Variants in GRK3 observed in about 807,000 individuals in gnomAD.
The protein encoded by GRK3 is adrenergic, beta, receptor kinase 2.
In GRK3, 54 loss-of-function variants were observed where a neutral mutation model predicts 95.7. The observed-to-expected ratio is 0.56, with a 90% confidence interval of 0.45 to 0.71. The LOEUF (loss-of-function observed/expected upper bound fraction) is 0.71. Ranked by LOEUF, GRK3 falls within the 30% of genes least tolerant of loss-of-function variation. The pLI is 0.00. For synonymous variants in GRK3, 281 were observed against 290.8 expected (o/e 0.97, Z 0.34); for missense variants, 649 against 851.2 (o/e 0.76, Z 2.96).
chr22:25,667,178 A>C (rs544256629), intron 5 of GRK3, among the ~76,000 whole-genome samples: 132 of 152,300 alleles, frequency 8.7e-4, no homozygotes, highest in African/African-American at 3.1e-3. Flanking sequence ...GGTTTTCTCT[A>C]TGACTCTAAG....
intron 7 of GRK3, 100 bp downstream of exon 7, chr22:25,672,447 T>G: frequency 1.5e-6 from 1 of 676,868 alleles, no homozygotes; most frequent in Non-Finnish European, 2.6e-6. Flanking sequence ...TCCCAGAGGG[T>G]CCACTGCCCA....
At chr22:25,643,705 G>T (rs1009301838) in intron 2 of GRK3, among the ~76,000 whole-genome samples, 5 of 152,222 alleles carry the variant, frequency 3.3e-5, no homozygotes, top group African/African-American at 9.7e-5. Flanking sequence ...TAGGCATTAA[G>T]CTAGGCACTA....
chr22:25,657,993 A>G (rs1431821132), intron 3 of GRK3, among the ~76,000 whole-genome samples: 1 of 151,062 alleles, frequency 6.6e-6, no homozygotes, highest in East Asian at 1.9e-4. Context: ...TTTTTCAGAT[A>G]CTCTATTTTT....
rs1158888637 is a variant in GRK3 at position 25,667,784 on chromosome 22, C to A, written c.487C>A (p.Gln163Lys). The A allele has an allele frequency of 1.2e-6, 2 of 1,609,246 alleles. No individual in the cohort carries two copies. The highest frequency in any genetic ancestry group is 1.7e-6 in the Non-Finnish European group (2 of 1,176,160). ...TGAAAGCCTTCGAGGTGACATTTTT[C>A]AAAAATTTATGGAAAGGTATGAAAC... ...ICESLRGDIF[Q>K]KFMESDKFTR... Residue 163 changes from glutamine (Q) to lysine (K), a missense_variant, in exon 6 of 21, where the codon CAA becomes AAA. Around this residue, in one of 3 missense-constraint regions of GRK3, gnomAD observed 206 missense variants for 231.4 expected, o/e 0.89. Transcript: ENST00000324198.
chr22:25,583,272 TA>T (rs1932168066), intron 1 of GRK3, among the ~76,000 whole-genome samples: 1 of 152,070 alleles, frequency 6.6e-6, no homozygotes, highest in Non-Finnish European at 1.5e-5. Context: ...TCATAGGTGG[TA>T]ATTTAGGAAT....
intron 1 of GRK3, among the ~76,000 whole-genome samples, chr22:25,589,811 T>C (rs538097675): frequency 5.3e-5 from 8 of 152,294 alleles, no homozygotes; most frequent in Non-Finnish European, 7.4e-5. Flanking sequence ...CAGTTCCACA[T>C]GGCTGGGGAG....
At chr22:25,694,149 G>A (rs1176295214) in intron 12 of GRK3, among the ~76,000 whole-genome samples, 1 of 152,176 alleles carries the variant, frequency 6.6e-6, no homozygotes, top group African/African-American at 2.4e-5. Flanking sequence ...GAATCCAGTG[G>A]CTGCTGTATG....
At chr22:25,583,985 T>A (rs1403655754) in intron 1 of GRK3, among the ~76,000 whole-genome samples, 1 of 152,240 alleles carries the variant, frequency 6.6e-6, no homozygotes, top group Non-Finnish European at 1.5e-5. Context: ...CGGCAGCTTA[T>A]GTGAGAAAAA....
chr22:25,669,212 A>G (rs1453603311), intron 6 of GRK3, among the ~76,000 whole-genome samples: 1 of 151,984 alleles, frequency 6.6e-6, no homozygotes, highest in Non-Finnish European at 1.5e-5. Context: ...GGAAAAGGTG[A>G]TTTTTCCATG....
chr22:25,602,998 C>T (rs904105661), intron 1 of GRK3, among the ~76,000 whole-genome samples: 1 of 152,210 alleles, frequency 6.6e-6, no homozygotes, highest in African/African-American at 2.4e-5. Flanking sequence ...GTCACTGCAA[C>T]ATCTGCCTCC....
intron 10 of GRK3, 64 bp downstream of exon 10, chr22:25,685,312 T>C: frequency 1.6e-6 from 2 of 1,253,810 alleles, no homozygotes; most frequent in Non-Finnish European, 1.2e-6. Flanking sequence ...AATCTTAGCA[T>C]GCATTAATCT....
At chr22:25,612,979 T>G (rs974717277) in intron 2 of GRK3, among the ~76,000 whole-genome samples, 1 of 152,134 alleles carries the variant, frequency 6.6e-6, no homozygotes, top group Non-Finnish European at 1.5e-5. Flanking sequence ...AACTAAAACA[T>G]TTTAGGATCA....
At chr22:25,617,317 G>A (rs924902676) in intron 2 of GRK3, among the ~76,000 whole-genome samples, 6 of 152,136 alleles carry the variant, frequency 3.9e-5, no homozygotes, top group Non-Finnish European at 8.8e-5. Flanking sequence ...GTTGAGTTCC[G>A]AATTGGTGAC....
At chr22:25,673,369 T>C (rs1158255884) in intron 7 of GRK3, among the ~76,000 whole-genome samples, 2 of 134,494 alleles carry the variant, frequency 1.5e-5, no homozygotes, top group South Asian at 2.1e-4. Context: ...GCAGGAGTTT[T>C]GTTTTTTTTA....
intron 3 of GRK3, among the ~76,000 whole-genome samples, chr22:25,654,649 C>T (rs992830296): frequency 6.6e-6 from 1 of 152,184 alleles, no homozygotes; most frequent in Non-Finnish European, 1.5e-5. Flanking sequence ...CTTCAACTCT[C>T]CAGTTTCAGC....
At chr22:25,582,431 C>T (rs2146319918) in intron 1 of GRK3, among the ~76,000 whole-genome samples, 1 of 152,196 alleles carries the variant, frequency 6.6e-6, no homozygotes, top group South Asian at 2.1e-4. Flanking sequence ...CAGGAAAACT[C>T]GACATTGTGA....
chr22:25,624,687 G>A (rs1159827508), intron 2 of GRK3, among the ~76,000 whole-genome samples: 1 of 152,130 alleles, frequency 6.6e-6, no homozygotes, highest in Non-Finnish European at 1.5e-5. Flanking sequence ...ATAGTACTGT[G>A]AGGTGCCTCT....
chr22:25,685,381 AC>A (rs1287482121), intron 10 of GRK3, 133 bp downstream of exon 10: 2 of 704,022 alleles, frequency 2.8e-6, no homozygotes, highest in Non-Finnish European at 5.0e-6. Flanking sequence ...GTTTGAGGAA[AC>A]CTTTTACCCT....
intron 9 of GRK3, among the ~76,000 whole-genome samples, chr22:25,679,356 A>C (rs1430026880): frequency 1.3e-5 from 2 of 152,212 alleles, no homozygotes; most frequent in Non-Finnish European, 2.9e-5. Flanking sequence ...GATTGTCCCT[A>C]GTCAGCGTTT....
Sources: allele counts gnomAD v4.1 joint callset (sites outside exome capture counted in the v4.1 genomes callset), GRCh38; gene constraint gnomAD v4.1.1; regional missense constraint gnomAD v4.1.1; transcripts MANE v1.5; gene names NCBI Gene and HGNC (gene_info 2026-07-23, HGNC 2026-07-21).